NAV3: variants seen among roughly 807,000 people sequenced by gnomAD.
NAV3 encodes the protein pore membrane and/or filament interacting like protein 1.
Under a neutral mutation model 244.7 loss-of-function variants are expected in NAV3, and 87 were observed. That is an observed-to-expected ratio of 0.36 (90% CI 0.30 to 0.42). The LOEUF is 0.42. Among genes scored for constraint, NAV3 ranks in the 20% least tolerant of loss-of-function variants. The pLI is 1.00. For synonymous variants in NAV3, 1,126 were observed against 1,042.2 expected, an observed-to-expected ratio of 1.08 and a Z score of -1.55; for missense variants, 2,663 against 2,893.3, an observed-to-expected ratio of 0.92 and a Z score of 1.83.
intron 9 of NAV3, among the ~76,000 whole-genome samples, chr12:78,047,720 G>A (rs1593383760): frequency 1.3e-5 from 2 of 152,222 alleles, no homozygotes; most frequent in African/African-American, 4.8e-5. Flanking sequence ...TCTTTGTGGT[G>A]GTCCCTGTAT....
intron 2 of NAV3, among the ~76,000 whole-genome samples, chr12:77,699,583 G>A (rs554267224): frequency 1.3e-5 from 2 of 151,992 alleles, no homozygotes; most frequent in Admixed American, 6.6e-5. Context: ...CTAGAGCTTC[G>A]AGCTTCCTTG....
rs1407673426 is a variant in NAV3, at chr12:77,923,000, T to C, written c.244-17319T>C. ...TATTCTACTTTTTTTTGCATCATAT[T>C]TTTCATTTTACTCTACAAGTATCAC... On this transcript the variant is annotated intron_variant, in intron 1 of 39. Coordinates refer to ENST00000397909, the MANE Select transcript of NAV3 (RefSeq NM_001024383.2). Among the ~76,000 whole-genome samples the C allele has an allele frequency of 2.0e-5, 3 of 152,070 alleles. No homozygotes were observed. In the East Asian group the frequency reaches 5.8e-4, roughly 29 times the overall value.
intron 5 of NAV3, among the ~76,000 whole-genome samples, chr12:77,993,396 T>C (rs920513529): frequency 6.6e-6 from 1 of 152,356 alleles, no homozygotes; most frequent in African/African-American, 2.4e-5. Context: ...GCTATTTCAC[T>C]GAATTGAGAC....
intron 1 of NAV3, among the ~76,000 whole-genome samples, chr12:77,888,303 A>G (rs1834745554): frequency 6.6e-6 from 1 of 152,058 alleles, no homozygotes; most frequent in African/African-American, 2.4e-5. Context: ...TGAGACCCCC[A>G]TCTCTACAAA....
At chr12:77,844,038 GTTAAGA>G (rs2136192286) in intron 1 of NAV3, among the ~76,000 whole-genome samples, 1 of 152,334 alleles carries the variant, frequency 6.6e-6, no homozygotes, top group East Asian at 1.9e-4. Context: ...CTGTTGAGCT[GTTAAGA>G]TTAAGTGAGT....
At chr12:78,081,422 C>T (rs1037522606) in intron 12 of NAV3, among the ~76,000 whole-genome samples, 23 of 152,078 alleles carry the variant, frequency 1.5e-4, no homozygotes, top group African/African-American at 5.5e-4. Context: ...GCTTGAGGGC[C>T]CTGGATTGCA....
At chr12:78,059,645 T>A (rs1467990362) in intron 12 of NAV3, among the ~76,000 whole-genome samples, 1 of 152,160 alleles carries the variant, frequency 6.6e-6, no homozygotes, top group Non-Finnish European at 1.5e-5. Context: ...TTTAGCTCTG[T>A]AATACCAAAA....
chr12:78,122,166 A>G lies in NAV3; in HGVS notation c.3976A>G (p.Ser1326Gly), dbSNP rs1955699316. 1 of 1,614,004 alleles carries G rather than the reference A, an allele frequency of 6.2e-7. No homozygotes were observed. Among genetic ancestry groups the G allele is most frequent in the Non-Finnish European group, 8.5e-7 (1 of 1,180,042 alleles). ...SDLTTDVISL[S>G]HSLASSPASV... is the part of the protein sequence containing the mutation. Reference sequence around the variant, plus strand: ...CTTAACTACAGATGTTATAAGCTTAAGTCACTCGTTGGCCTCCAGCCCAGC... The same window carrying G: ...CTTAACTACAGATGTTATAAGCTTAGGTCACTCGTTGGCCTCCAGCCCAGC... Residue 1326 changes from serine (S) to glycine (G), a missense_variant, in exon 16 of 40, where the codon AGT becomes GGT. Physicochemically the swap from Ser to Gly is moderately conservative, Grantham distance 56. Transcript: ENST00000397909.
At chr12:78,153,545 T>C (rs1277830860) in intron 22 of NAV3, among the ~76,000 whole-genome samples, 1 of 152,084 alleles carries the variant, frequency 6.6e-6, no homozygotes, top group Non-Finnish European at 1.5e-5. Flanking sequence ...GCCTCTGGCC[T>C]CTCGCCCACA....
At chr12:78,031,115 G>A (rs1265737228) in intron 9 of NAV3, among the ~76,000 whole-genome samples, 3 of 152,140 alleles carry the variant, frequency 2.0e-5, no homozygotes, top group African/African-American at 7.2e-5. Flanking sequence ...TCTTGCCAGG[G>A]TAAGATGCAG....
chr12:77,601,405 G>A (rs775890895), intron 2 of NAV3, among the ~76,000 whole-genome samples: 1 of 151,934 alleles, frequency 6.6e-6, no homozygotes, highest in Non-Finnish European at 1.5e-5. Flanking sequence ...ATAAGGGAAG[G>A]TTATAACCAT....
chr12:77,677,370 A>G (rs1197631868), intron 2 of NAV3, among the ~76,000 whole-genome samples: 1 of 152,190 alleles, frequency 6.6e-6, no homozygotes, highest in African/African-American at 2.4e-5. Flanking sequence ...CTGTGCCCTG[A>G]TGGTAGGGAT....
intron 1 of NAV3, among the ~76,000 whole-genome samples, chr12:77,842,363 G>T (rs1407494767): frequency 6.6e-6 from 1 of 151,786 alleles, no homozygotes; most frequent in African/African-American, 2.4e-5. Context: ...CTGAAAGCAG[G>T]TCTCTCTCTT....
At chr12:77,589,782 A>G (rs542666839) in intron 2 of NAV3, among the ~76,000 whole-genome samples, 1 of 152,330 alleles carries the variant, frequency 6.6e-6, no homozygotes, top group East Asian at 1.9e-4. Context: ...GACATCTTAA[A>G]TTGACTCTGA....
chr12:77,809,225 A>C (rs1196373629), intron 2 of NAV3, among the ~76,000 whole-genome samples: 1 of 152,190 alleles, frequency 6.6e-6, no homozygotes, highest in African/African-American at 2.4e-5. Context: ...GGTTATGAAA[A>C]AGAAATTGCA....
At chr12:77,765,710 A>G (rs1869714249) in intron 2 of NAV3, among the ~76,000 whole-genome samples, 1 of 152,188 alleles carries the variant, frequency 6.6e-6, no homozygotes. Context: ...TAGAGAAGGT[A>G]AAAAGTTGAA....
At chr12:77,828,906 T>C (rs929769065), upstream of NAV3, among the ~76,000 whole-genome samples, 2 of 152,196 alleles carry the variant, frequency 1.3e-5, no homozygotes, top group African/African-American at 4.8e-5. Context: ...TCATTTGTAA[T>C]TGGCAAACAG....
At chr12:78,210,339 T>C in intron 39 of NAV3, 59 bp from the exon 40 acceptor site, 2 of 1,606,146 alleles carry the variant, frequency 1.2e-6, no homozygotes, top group East Asian at 4.5e-5. Flanking sequence ...CCTTGTTTTT[T>C]ATGGGCTGGC....
chr12:78,076,219 C>T (rs147646852), intron 12 of NAV3, among the ~76,000 whole-genome samples: 5 of 152,246 alleles, frequency 3.3e-5, no homozygotes, highest in South Asian at 2.1e-4. Flanking sequence ...TATTCTGTGG[C>T]GTTGCTTATG....
Sources: gnomAD v4.1 joint callset for allele counts (sites outside exome capture counted in the v4.1 genomes callset) on GRCh38, gnomAD v4.1.1 for gene constraint, MANE v1.5 for transcripts, NCBI Gene and HGNC (gene_info 2026-07-23, HGNC 2026-07-21) for gene names.